DNER: variants seen among roughly 807,000 people sequenced by gnomAD.
DNER encodes delta and Notch-like epidermal growth factor-related receptor.
Under a neutral mutation model 78.2 loss-of-function variants are expected in DNER, and 33 were observed. The ratio of observed to expected loss-of-function variants is 0.42; its 90% CI spans 0.32 to 0.56. The LOEUF (loss-of-function observed/expected upper bound fraction) is 0.56. DNER is among the 20% of genes least tolerant of loss of function. The pLI, the probability that DNER is intolerant of heterozygous loss-of-function variation, is 0.11. For synonymous variants in DNER, 417 were observed against 384.8 expected, an observed-to-expected ratio of 1.08 and a Z score of -0.98; for missense variants, 918 against 975.3, an observed-to-expected ratio of 0.94 and a Z score of 0.78.
At chr2:229,429,149 A>G (rs1042208532) in intron 8 of DNER, among the ~76,000 whole-genome samples, 4 of 152,190 alleles carry the variant, frequency 2.6e-5, no homozygotes, top group Admixed American at 2.0e-4. Flanking sequence ...GTACAATGTG[A>G]GAGTTTGAGA....
At chr2:229,438,553 G>A (rs985600209) in intron 8 of DNER, among the ~76,000 whole-genome samples, 2 of 152,216 alleles carry the variant, frequency 1.3e-5, no homozygotes, top group African/African-American at 4.8e-5. Context: ...AGTGTCAGGT[G>A]TTTGGCACAC....
At chr2:229,443,278 G>A (rs776148259) in intron 8 of DNER, among the ~76,000 whole-genome samples, 3 of 152,066 alleles carry the variant, frequency 2.0e-5, no homozygotes, top group Non-Finnish European at 4.4e-5. Flanking sequence ...TTCCAATACC[G>A]GTCATGTACA....
intron 1 of DNER, among the ~76,000 whole-genome samples, chr2:229,643,273 C>A (rs552909308): frequency 1.3e-5 from 2 of 152,046 alleles, no homozygotes; most frequent in African/African-American, 2.4e-5. Flanking sequence ...GGAGGTACTA[C>A]CTATGTGGTC....
At position 229,433,025 on chromosome 2, in the gene DNER, C is replaced by T. The variant is rs572049262; in HGVS notation, c.1486+14291G>A. On this transcript the variant is annotated intron_variant, in intron 8 of 12. Coordinates refer to ENST00000341772, the MANE Select transcript of DNER (RefSeq NM_139072.4). ...CGCAATCTAGGGTCACTGCAACTTC[C>T]GTCTCCTGAGTTCAAACAATTCTCC... Among the ~76,000 whole-genome samples the T allele has an allele frequency of 5.9e-5, 9 of 152,234 alleles. No individual in the cohort carries two copies. The East Asian group carries it at 7.7e-4, about 13-fold the overall frequency.
intron 5 of DNER, among the ~76,000 whole-genome samples, chr2:229,543,753 T>C (rs1052751342): frequency 7.9e-5 from 12 of 152,132 alleles, no homozygotes; most frequent in Non-Finnish European, 1.3e-4. Context: ...GGCACCTCCT[T>C]ATCAAATACG....
chr2:229,394,176 T>C (rs1325517343), intron 10 of DNER, among the ~76,000 whole-genome samples: 1 of 152,234 alleles, frequency 6.6e-6, no homozygotes, highest in Non-Finnish European at 1.5e-5. Flanking sequence ...GTTTATGTAC[T>C]GTTCCTTGTA....
chr2:229,442,704 A>G (rs1694262095), intron 8 of DNER, among the ~76,000 whole-genome samples: 1 of 152,132 alleles, frequency 6.6e-6, no homozygotes, highest in Non-Finnish European at 1.5e-5. Context: ...TAAAATCCTG[A>G]CCATTAAGTC....
chr2:229,467,971 T>C (rs1196269806), intron 7 of DNER, among the ~76,000 whole-genome samples: 1 of 152,182 alleles, frequency 6.6e-6, no homozygotes, highest in Non-Finnish European at 1.5e-5. Flanking sequence ...GGGGTTCACA[T>C]GGCCGGCTGC....
chr2:229,546,793 A>C (rs1696634204), intron 5 of DNER, among the ~76,000 whole-genome samples, 154 bp downstream of exon 5: 1 of 145,604 alleles, frequency 6.9e-6, no homozygotes, highest in African/African-American at 2.7e-5. Context: ...AGACAGATAG[A>C]TAGATAGATA....
chr2:229,480,765 A>G (rs1695140477), intron 6 of DNER, among the ~76,000 whole-genome samples: 1 of 152,230 alleles, frequency 6.6e-6, no homozygotes, highest in Non-Finnish European at 1.5e-5. Context: ...CCCTCCAATG[A>G]GAAACAGTGG....
chr2:229,447,039 G>GT (rs1189616622), intron 8 of DNER, among the ~76,000 whole-genome samples: 1 of 152,036 alleles, frequency 6.6e-6, no homozygotes, highest in African/African-American at 2.4e-5. Context: ...TATTTTGCTT[G>GT]TTTTTTCTAC....
At chr2:229,370,471 A>C (rs534167120) in intron 11 of DNER, among the ~76,000 whole-genome samples, 8 of 152,214 alleles carry the variant, frequency 5.3e-5, no homozygotes, top group Non-Finnish European at 2.9e-5. Context: ...ACTCACATAC[A>C]GGCAGACTGA....
At chr2:229,663,265 T>C (rs1699037643) in intron 1 of DNER, among the ~76,000 whole-genome samples, 1 of 152,178 alleles carries the variant, frequency 6.6e-6, no homozygotes, top group Admixed American at 6.5e-5. Flanking sequence ...TTCCTCCCAA[T>C]AAAACCACTA....
chr2:229,544,186 C>T (rs1321795650), intron 5 of DNER, among the ~76,000 whole-genome samples: 1 of 152,068 alleles, frequency 6.6e-6, no homozygotes, highest in Non-Finnish European at 1.5e-5. Context: ...CATTTTTTTC[C>T]CATAAAGTAT....
rs1441299982 is a variant in DNER at position 229,707,515 on chromosome 2, C to T, written c.276+6633G>A. On this transcript the variant is annotated intron_variant, in intron 1 of 12. Transcript: ENST00000341772. Reference sequence around the variant, plus strand: ...CCTAAACACAATCCCTCCTCATATGCCCTGGATCTACTCCACAAGGCCCAG... The same window carrying T: ...CCTAAACACAATCCCTCCTCATATGTCCTGGATCTACTCCACAAGGCCCAG... 3.3e-5 allele frequency among the ~76,000 whole-genome samples: 5 copies of T among 152,166 alleles called. No individual in the cohort carries two copies. In the East Asian group the frequency reaches 9.6e-4, roughly 29 times the overall value.
intron 10 of DNER, among the ~76,000 whole-genome samples, chr2:229,397,203 A>G (rs184239442): frequency 5.9e-5 from 9 of 152,242 alleles, no homozygotes; most frequent in Admixed American, 1.3e-4. Context: ...GAAAATTCCA[A>G]GAAGTTGAGA....
intron 1 of DNER, among the ~76,000 whole-genome samples, chr2:229,593,501 T>C (rs1041559636): frequency 3.3e-5 from 5 of 152,184 alleles, no homozygotes; most frequent in Non-Finnish European, 5.9e-5. Flanking sequence ...CCTACAAAAA[T>C]GTGAGCTGCA....
At chr2:229,569,768 T>C (rs1697183482) in intron 4 of DNER, among the ~76,000 whole-genome samples, 1 of 152,168 alleles carries the variant, frequency 6.6e-6, no homozygotes, top group African/African-American at 2.4e-5. Flanking sequence ...GATCCATGGT[T>C]GGTTGAATTG....
intron 7 of DNER, among the ~76,000 whole-genome samples, chr2:229,467,123 G>A (rs80226693): frequency 0.011 from 1,626 of 152,240 alleles, 33 homozygotes; most frequent in African/African-American, 0.036. Context: ...GTCCTGGGTC[G>A]CAGCGGCCAA....
Sources: allele counts gnomAD v4.1 joint callset (sites outside exome capture counted in the v4.1 genomes callset), GRCh38; gene constraint gnomAD v4.1.1; transcripts MANE v1.5; gene names NCBI Gene and HGNC (gene_info 2026-07-23, HGNC 2026-07-21).